Variants in ALK observed in about 807,000 individuals in gnomAD.
ALK encodes the protein ALK tyrosine kinase receptor.
ALK carries 74 observed loss-of-function variants against 163.1 expected under a neutral mutation model. That is an observed-to-expected ratio of 0.45 (90% CI 0.38 to 0.55). The LOEUF (loss-of-function observed/expected upper bound fraction) is 0.55. Among genes scored for constraint, ALK ranks in the 20% least tolerant of loss-of-function variants. The probability of loss-of-function intolerance (pLI) is 0.00; values close to 1 mark genes in which losing one functional copy is unlikely to be tolerated. For missense variants in ALK, 2,063 were observed against 2,105.3 expected, an observed-to-expected ratio of 0.98 and a Z score of 0.39; for synonymous variants, 960 against 843.2, an observed-to-expected ratio of 1.14 and a Z score of -2.40.
At chr2:29,496,599 T>C (rs539057366) in intron 4 of ALK, among the ~76,000 whole-genome samples, 14 of 152,238 alleles carry the variant, frequency 9.2e-5, no homozygotes, top group Non-Finnish European at 2.1e-4. Context: ...TAACTTTTTC[T>C]AATATGACCT....
intron 13 of ALK, among the ~76,000 whole-genome samples, chr2:29,237,388 C>T (rs1056226926): frequency 7.2e-5 from 11 of 152,180 alleles, no homozygotes; most frequent in African/African-American, 2.4e-4. Context: ...TCCAACATGC[C>T]TTAAAGTGGC....
chr2:29,706,969 T>C (rs1315088298), intron 2 of ALK, among the ~76,000 whole-genome samples: 2 of 123,314 alleles, frequency 1.6e-5, no homozygotes, highest in African/African-American at 2.9e-5. Context: ...GAAACACTCA[T>C]GCAGAATGTG....
chr2:29,744,579 AC>A (rs767385600), intron 1 of ALK, among the ~76,000 whole-genome samples: 5 of 151,802 alleles, frequency 3.3e-5, no homozygotes, highest in Non-Finnish European at 7.4e-5. Flanking sequence ...TTTTTAATTA[AC>A]TGACTTTTCT....
In ALK at chr2:29,586,472, G is replaced by A. The variant is rs183715698; in HGVS notation, c.953-54356C>T. On this transcript the variant is annotated intron_variant, in intron 3 of 28. Coordinates refer to ENST00000389048, the MANE Select transcript of ALK (RefSeq NM_004304.5). ...CTTTTAGGTCTCAAAAAAATGCTCT[G>A]ATCTTTTAAATTTAACTACATTTAG... 8.1e-3 allele frequency among the ~76,000 whole-genome samples: 1,231 copies of A among 152,208 alleles called. 15 individuals are homozygous for A. Among genetic ancestry groups the A allele is most frequent in the African/African-American group, 0.028 (1,143 of 41,534 alleles).
chr2:29,527,718 T>G (rs1672993156), intron 4 of ALK, among the ~76,000 whole-genome samples: 1 of 152,152 alleles, frequency 6.6e-6, no homozygotes, highest in African/African-American at 2.4e-5. Context: ...TCTCGCTATG[T>G]TGCCCAGGCT....
chr2:29,718,736 G>T (rs949266230), intron 1 of ALK, among the ~76,000 whole-genome samples: 24 of 152,216 alleles, frequency 1.6e-4, no homozygotes, highest in Admixed American at 6.5e-4. Context: ...AGTGATGGAA[G>T]CAGAAACTGA....
At chr2:29,771,573 C>T (rs569999577) in intron 1 of ALK, among the ~76,000 whole-genome samples, 11 of 151,104 alleles carry the variant, frequency 7.3e-5, no homozygotes, top group South Asian at 4.2e-4. Context: ...CTCACTCTGT[C>T]GCCCAGGCTG....
chr2:29,817,892 A>C (rs967765736), intron 1 of ALK, among the ~76,000 whole-genome samples: 1 of 152,172 alleles, frequency 6.6e-6, no homozygotes, highest in South Asian at 2.1e-4. Context: ...AAATTGTTTA[A>C]ACTGAGCTCT....
intron 1 of ALK, among the ~76,000 whole-genome samples, chr2:29,727,586 GACAGTATCT>G (rs1679609515): frequency 6.6e-6 from 1 of 152,196 alleles, no homozygotes; most frequent in Non-Finnish European, 1.5e-5. Context: ...GAATTAATGA[GACAGTATCT>G]ACAAAGCCCT....
chr2:29,716,137 G>C (rs1679247634), intron 2 of ALK, among the ~76,000 whole-genome samples: 1 of 152,184 alleles, frequency 6.6e-6, no homozygotes, highest in Non-Finnish European at 1.5e-5. Context: ...AGACTGCATA[G>C]AGGAATAGGT....
chr2:29,580,244 G>T (rs1249640510), intron 3 of ALK, among the ~76,000 whole-genome samples: 1 of 152,152 alleles, frequency 6.6e-6, no homozygotes, highest in Non-Finnish European at 1.5e-5. Context: ...AGCATGGATT[G>T]CTCATGTCAA....
intron 11 of ALK, among the ~76,000 whole-genome samples, chr2:29,261,562 T>C (rs1665089785): frequency 6.6e-6 from 1 of 152,202 alleles, no homozygotes; most frequent in African/African-American, 2.4e-5. Context: ...GGTTTGTTTT[T>C]TCAGATTTCA....
chr2:29,293,200 T>C (rs1220884352), intron 9 of ALK, among the ~76,000 whole-genome samples: 1 of 152,254 alleles, frequency 6.6e-6, no homozygotes, highest in Non-Finnish European at 1.5e-5. Flanking sequence ...CATATCTGTT[T>C]TGTCGGACAC....
chr2:29,826,736 C>T (rs1490817298), intron 1 of ALK, among the ~76,000 whole-genome samples: 2 of 152,204 alleles, frequency 1.3e-5, no homozygotes, highest in African/African-American at 4.8e-5. Flanking sequence ...TCTCCCTTTC[C>T]TCAGCTATCT....
intron 1 of ALK, among the ~76,000 whole-genome samples, chr2:29,876,539 T>C (rs1468411266): frequency 6.6e-6 from 1 of 150,986 alleles, no homozygotes; most frequent in Non-Finnish European, 1.5e-5. Context: ...GTGATGGTAG[T>C]GGTAATGGTG....
intron 4 of ALK, among the ~76,000 whole-genome samples, chr2:29,433,616 T>G (rs1020168875): frequency 6.6e-6 from 1 of 152,188 alleles, no homozygotes; most frequent in Non-Finnish European, 1.5e-5. Flanking sequence ...CTGCTAGACT[T>G]TGCCATTGCA....
chr2:29,650,990 C>T (rs764479588), intron 3 of ALK, among the ~76,000 whole-genome samples: 10 of 152,090 alleles, frequency 6.6e-5, no homozygotes, highest in Admixed American at 2.6e-4. Context: ...GTCTGCTAGT[C>T]GCCGCACGGT....
At chr2:29,435,994 AG>A (rs1245996388) in intron 4 of ALK, among the ~76,000 whole-genome samples, 1 of 152,182 alleles carries the variant, frequency 6.6e-6, no homozygotes, top group Admixed American at 6.5e-5. Flanking sequence ...TGAAAGAAAA[AG>A]GCAAGATACA....
chr2:29,274,976 A>T, intron 11 of ALK, 123 bp downstream of exon 11: 1 of 1,297,296 alleles, frequency 7.7e-7, no homozygotes, highest in Non-Finnish European at 1.1e-6. Flanking sequence ...TGTAGGTGAT[A>T]CTCCTTCTAA....
Sources: gnomAD v4.1 joint callset for allele counts (sites outside exome capture counted in the v4.1 genomes callset) on GRCh38, gnomAD v4.1.1 for gene constraint, MANE v1.5 for transcripts, NCBI Gene and HGNC (gene_info 2026-07-23, HGNC 2026-07-21) for gene names.